The following GRIN1 variants were observed in gnomAD, a reference collection of about 807,000 sequenced individuals.
GRIN1 encodes the protein glutamate ionotropic receptor NMDA type subunit 1, also known as glutamate receptor ionotropic, NMDA 1.
A neutral mutation model predicts 103.0 loss-of-function variants in GRIN1; 38 were observed. That is an observed-to-expected ratio of 0.37 (90% CI 0.28 to 0.48). The LOEUF is 0.48. Ranked by LOEUF, GRIN1 falls within the 20% of genes least tolerant of loss-of-function variation. The pLI, the probability that GRIN1 is intolerant of heterozygous loss-of-function variation, is 0.98. For synonymous variants in GRIN1, 544 were observed against 532.7 expected (o/e 1.02, Z -0.29); for missense variants, 577 against 1,288.9 (o/e 0.45, Z 8.46).
chr9:137,151,167 C>T (rs375438985), intron 4 of GRIN1, among the ~76,000 whole-genome samples: 36 of 134,608 alleles, frequency 2.7e-4, no homozygotes, highest in African/African-American at 7.7e-4. Flanking sequence ...CCAGGGAAAG[C>T]CCCGCCCAGG....
intron 3 of GRIN1, chr9:137,148,018 T>G: frequency 7.9e-5 from 41 of 519,510 alleles, no homozygotes; most frequent in Middle Eastern, 3.4e-4. Flanking sequence ...GGCCTCGGTG[T>G]TTGCGAGCTC....
chr9:137,159,964 T>C (rs923524441), intron 8 of GRIN1, among the ~76,000 whole-genome samples: 1 of 152,174 alleles, frequency 6.6e-6, no homozygotes, highest in Non-Finnish European at 1.5e-5. Context: ...GCTTGATCCC[T>C]GCCCACCTTG....
At position 137,163,878 on chromosome 9, in the gene GRIN1, G is replaced by A. The variant is rs367543118; in HGVS notation, c.2563G>A (p.Val855Ile). The A allele has an allele frequency of 1.2e-6, 2 of 1,612,940 alleles. No individual in the cohort carries two copies. Among genetic ancestry groups the A allele is most frequent in the Non-Finnish European group, 1.7e-6 (2 of 1,179,914 alleles). Residue 855 changes from valine (V) to isoleucine (I), a missense_variant, in exon 18 of 20, where the codon GTT becomes ATT. Coordinates refer to ENST00000371561, the MANE Select transcript of GRIN1 (RefSeq NM_007327.4). ...GCAGATGCAGCTGGCCTTTGCCGCC[G>A]TTAACGTGTGGCGGAAGAACCTGCA... ...RKQMQLAFAA[V>I]NVWRKNLQDR...
In GRIN1 at chr9:137,139,653, G is replaced by A. The variant is rs755757497; in HGVS notation, c.167G>A (p.Trp56Ter). Reference sequence around the variant, plus strand: ...CAGGCCAACAAGCGGCACGGCTCCTGGAAGATTCAGCTCAATGCCACCTCC... The same window carrying A: ...CAGGCCAACAAGCGGCACGGCTCCTAGAAGATTCAGCTCAATGCCACCTCC... ...VNQANKRHGS[W>*]KIQLNATSVT... is the part of the protein sequence containing the mutation. The change falls in exon 1 of 20, where the codon TGG (tryptophan) becomes TAG (stop). Residue 56 changes from tryptophan to a stop codon, truncating the protein, a stop_gained. Coordinates refer to ENST00000371561, the MANE Select transcript of GRIN1 (RefSeq NM_007327.4). LOFTEE classifies it high-confidence loss of function. The surrounding 1 kb of genome is among the most constrained non-coding windows in gnomAD (Gnocchi z 7.7). The A allele has an allele frequency of 6.2e-7, 1 of 1,613,906 alleles. No homozygotes were observed. Among genetic ancestry groups the A allele is most frequent in the Non-Finnish European group, 8.5e-7 (1 of 1,179,942 alleles).
At chr9:137,159,920 C>A (rs1400588516) in intron 8 of GRIN1, among the ~76,000 whole-genome samples, 2 of 152,190 alleles carry the variant, frequency 1.3e-5, no homozygotes, top group African/African-American at 2.4e-5. Flanking sequence ...TTCTGGACTG[C>A]AGACTCCTCT....
chr9:137,142,179 C>T, intron 2 of GRIN1, 32 bp downstream of exon 2: 1 of 1,612,248 alleles, frequency 6.2e-7, no homozygotes, highest in Non-Finnish European at 8.5e-7. Context: ...GGCCTTCCGG[C>T]CCTCGGCCCC....
chr9:137,166,085 C>T (rs1215410814), intron 19 of GRIN1, among the ~76,000 whole-genome samples: 3 of 152,264 alleles, frequency 2.0e-5, no homozygotes, highest in Admixed American at 6.5e-5. Context: ...TGGGTAGGGG[C>T]GGCCCCACAA....
intron 4 of GRIN1, among the ~76,000 whole-genome samples, chr9:137,156,288 G>A (rs1833212035): frequency 1.3e-5 from 2 of 152,186 alleles, no homozygotes; most frequent in Admixed American, 6.5e-5. Flanking sequence ...GGGGAGCACA[G>A]GTGCAGGTCA....
At chr9:137,163,702 C>A (rs1833693389) in intron 17 of GRIN1, 34 bp downstream of exon 17, 2 of 1,613,070 alleles carry the variant, frequency 1.2e-6, no homozygotes, top group Admixed American at 1.7e-5. Context: ...CGGGTGGGTT[C>A]TCCGTGGGCT....
chr9:137,153,795 A>G (rs1002598313), intron 4 of GRIN1, among the ~76,000 whole-genome samples: 1 of 152,078 alleles, frequency 6.6e-6, no homozygotes, highest in African/African-American at 2.4e-5. Flanking sequence ...CATCAACCAC[A>G]CACCCGCCAA....
At position 137,167,418 on chromosome 9, in the gene GRIN1, G is replaced by A; in HGVS notation, c.2708G>A (p.Gly903Glu). The A allele has an allele frequency of 6.4e-7, 1 of 1,559,776 alleles. No homozygotes were observed. The highest frequency in any genetic ancestry group is 8.7e-7 in the Non-Finnish European group (1 of 1,151,734). The change falls in exon 20 of 20, where the codon GGG (glycine) becomes GAG (glutamate). Residue 903 changes from glycine to glutamate, a missense_variant. Coordinates refer to ENST00000371561, the MANE Select transcript of GRIN1 (RefSeq NM_007327.4). ...GTTGGTTCTTATTTATAGAGCACCG[G>A]GGGTGGACGCGGCGCTTTGCAAAAC... is the stretch of plus-strand genomic sequence containing the variant. ...RRRSSKDTSTGGGRGALQNQK... is the reference protein window; with the variant it reads ...RRRSSKDTSTEGGRGALQNQK...
Position 137,162,836 on chromosome 9 carries a change from G to T in GRIN1, c.2014-10G>T. On this transcript the variant is annotated splice_polypyrimidine_tract_variant and intron_variant, in intron 14 of 19. Coordinates refer to ENST00000371561, the MANE Select transcript of GRIN1 (RefSeq NM_007327.4). Reference sequence around the variant, plus strand: ...GCCGCCGCCGCGATCCCTGCCCTCCGACCCTGCAGCTGAGGAACCCCTCGG... The same window carrying T: ...GCCGCCGCCGCGATCCCTGCCCTCCTACCCTGCAGCTGAGGAACCCCTCGG... The T allele has an allele frequency of 6.2e-7, 1 of 1,611,720 alleles. No homozygotes were observed. Among genetic ancestry groups the T allele is most frequent in the Middle Eastern group, 1.6e-4 (1 of 6,062 alleles).
At chr9:137,160,954 G>C (rs1833503653) in intron 8 of GRIN1, 102 bp from the exon 9 acceptor site, 1 of 1,453,430 alleles carries the variant, frequency 6.9e-7, no homozygotes, top group Admixed American at 1.8e-5. Context: ...GGTGCGTCGG[G>C]GATTAAGAGG....
chr9:137,157,104 A>ACTG, intron 6 of GRIN1, 67 bp downstream of exon 6: 1 of 349,544 alleles, frequency 2.9e-6, no homozygotes, highest in Non-Finnish European at 4.9e-6. Flanking sequence ...CACTCCAGAG[A>ACTG]TGGGCGGGGC....
chr9:137,146,622 C>T lies in GRIN1; in HGVS notation c.570+720C>T, dbSNP rs1418568925. Among the ~76,000 whole-genome samples, 1 of 152,150 alleles carries T rather than the reference C, an allele frequency of 6.6e-6. No homozygotes were observed. The highest frequency in any genetic ancestry group is 6.5e-5 in the Admixed American group (1 of 15,278). On this transcript the variant is annotated intron_variant, in intron 3 of 19. Coordinates refer to ENST00000371561, the MANE Select transcript of GRIN1 (RefSeq NM_007327.4). This position sits in a 1 kb window ranked among gnomAD's most constrained non-coding sequence, Gnocchi z 6.7. ...GGGATTTGGGGGGGTCCGAGCGACC[C>T]CTTTCCCCTTCCTTACCACTCCCAT...
intron 1 of GRIN1, among the ~76,000 whole-genome samples, chr9:137,141,544 C>T (rs2131194304): frequency 6.6e-6 from 1 of 152,316 alleles, no homozygotes; most frequent in Admixed American, 6.5e-5. Flanking sequence ...TTTGGCAGCT[C>T]CTAGCTGCTT....
intron 4 of GRIN1, among the ~76,000 whole-genome samples, chr9:137,154,107 T>G (rs888035972): frequency 6.8e-6 from 1 of 146,094 alleles, no homozygotes; most frequent in East Asian, 2.0e-4. Context: ...CCACCGTGCC[T>G]GCCTTTTTTT....
chr9:137,162,786 T>C lies in GRIN1; in HGVS notation c.2013+47T>C, dbSNP rs2131299680. 2 of 1,601,726 alleles carry C rather than the reference T, an allele frequency of 1.2e-6. 1 individual carries two copies. Among genetic ancestry groups the C allele is most frequent in the Middle Eastern group, 3.3e-4 (2 of 6,036 alleles). Reference sequence around the variant, plus strand: ...GGAGGGAATGCGAGGTGAGCTGGGGTCGGCCTCGGTTAGGGGCCTGGGGAG... The same window carrying C: ...GGAGGGAATGCGAGGTGAGCTGGGGCCGGCCTCGGTTAGGGGCCTGGGGAG... On this transcript the variant is annotated intron_variant, in intron 14 of 19. Transcript: ENST00000371561.
rs1246394967 is a variant in GRIN1 at position 137,152,020 on chromosome 9, C to A, written c.671+2911C>A. On this transcript the variant is annotated intron_variant, in intron 4 of 19. Transcript: ENST00000371561. ...CTCCCGGGCTCACGCCATTCTCCTG[C>A]CTCAGCCTCCCAAGTAGCTGGGACT... Among the ~76,000 whole-genome samples the A allele has an allele frequency of 1.6e-4, 24 of 151,176 alleles. No homozygotes were observed. In the Admixed American group the frequency reaches 1.6e-3, roughly 10 times the overall value.
Sources: gnomAD v4.1 joint callset for allele counts (sites outside exome capture counted in the v4.1 genomes callset) on GRCh38, gnomAD v4.1.1 for gene constraint, Gnocchi (gnomAD v3.1) non-coding constraint, MANE v1.5 for transcripts, NCBI Gene and HGNC (gene_info 2026-07-23, HGNC 2026-07-21) for gene names.